The following ZNF721 variants were observed in gnomAD, a reference collection of about 807,000 sequenced individuals.
The protein encoded by ZNF721 is zinc finger protein 721.
In ZNF721, 2 loss-of-function variants were observed where a neutral mutation model predicts 2.4. The observed-to-expected ratio is 0.82, with a 90% CI of 0.34 to 2.58. ZNF721 has a LOEUF of 2.58. ZNF721 is among the 30% of genes most tolerant of loss of function. The pLI, the probability that ZNF721 is intolerant of heterozygous loss-of-function variation, is 0.11. For missense variants in ZNF721, 1,187 were observed against 1,085.5 expected, an observed-to-expected ratio of 1.09 and a Z score of -1.31; for synonymous variants, 398 against 381.8, an observed-to-expected ratio of 1.04 and a Z score of -0.50.
intron 1 of ZNF721, among the ~76,000 whole-genome samples, chr4:474,492 T>G (rs563506190): frequency 3.3e-5 from 5 of 152,186 alleles, no homozygotes; most frequent in Non-Finnish European, 7.3e-5. Context: ...TAGTGACAAT[T>G]ATTTTAATAT....
intron 1 of ZNF721, among the ~76,000 whole-genome samples, chr4:489,676 T>C (rs1416640453): frequency 6.6e-6 from 1 of 152,186 alleles, no homozygotes; most frequent in African/African-American, 2.4e-5. Context: ...AGAGCCCTCA[T>C]GGCTGCACTC....
At chr4:462,822 C>T (rs1560234045) in intron 2 of ZNF721, among the ~76,000 whole-genome samples, 2 of 152,096 alleles carry the variant, frequency 1.3e-5, no homozygotes, top group Admixed American at 6.6e-5. Flanking sequence ...CTAGGCAATA[C>T]CATTCAGGAC....
intron 2 of ZNF721, among the ~76,000 whole-genome samples, chr4:470,722 A>G (rs1298568504): frequency 6.6e-6 from 1 of 152,088 alleles, no homozygotes; most frequent in African/African-American, 2.4e-5. Context: ...CTCAAAAAAT[A>G]AAATAAAATA....
At chr4:487,888 C>A (rs782055712) in intron 1 of ZNF721, among the ~76,000 whole-genome samples, 16 of 152,126 alleles carry the variant, frequency 1.1e-4, no homozygotes, top group Non-Finnish European at 2.1e-4. Flanking sequence ...AGCAAAGGAT[C>A]GAAGGCGACT....
At chr4:457,913 C>T (rs1714894637) in intron 2 of ZNF721, among the ~76,000 whole-genome samples, 1 of 152,174 alleles carries the variant, frequency 6.6e-6, no homozygotes, top group African/African-American at 2.4e-5. Flanking sequence ...TGAAAGAAGT[C>T]CTGCCAACCC....
chr4:450,490 T>C (rs1714612417), intron 2 of ZNF721, among the ~76,000 whole-genome samples: 1 of 152,174 alleles, frequency 6.6e-6, no homozygotes, highest in Admixed American at 6.5e-5. Flanking sequence ...GAAGGCTTTA[T>C]GCAACTAGTC....
At chr4:487,279 TTC>T (rs1715921122) in intron 1 of ZNF721, among the ~76,000 whole-genome samples, 1 of 152,190 alleles carries the variant, frequency 6.6e-6, no homozygotes, top group Admixed American at 6.6e-5. Context: ...TCCTAAATGC[TTC>T]TGTTATCTTT....
rs1714346840 is a variant in ZNF721 at position 443,439 on chromosome 4, C to CT, written c.1027dup (p.Arg343LysfsTer10). On this transcript the variant is annotated frameshift_variant, in exon 3 of 3. Coordinates refer to ENST00000511833, the MANE Select transcript of ZNF721 (RefSeq NM_133474.4). LOFTEE classifies it low-confidence loss of function (END_TRUNC). ...ATGTACGTAAAGGTTTGCGGACTGT[C>CT]TAAAGGTTTTGCCACATTCTCCACA... 6.2e-7 allele frequency: 1 copy of CT among 1,611,838 alleles called. No homozygotes were observed. Among genetic ancestry groups the CT allele is most frequent in the Non-Finnish European group, 8.5e-7 (1 of 1,178,370 alleles).
intron 2 of ZNF721, among the ~76,000 whole-genome samples, chr4:459,689 G>C (rs1714956830): frequency 6.6e-6 from 1 of 152,032 alleles, no homozygotes; most frequent in Non-Finnish European, 1.5e-5. Flanking sequence ...AAATTAGCCG[G>C]GCGTGGTGGC....
At chr4:479,494 G>A (rs1715719998) in intron 1 of ZNF721, among the ~76,000 whole-genome samples, 1 of 152,232 alleles carries the variant, frequency 6.6e-6, no homozygotes, top group South Asian at 2.1e-4. Context: ...ATAAGAAGGT[G>A]TGGAGGCTGG....
intron 1 of ZNF721, chr4:474,103 C>A (rs1283970653): frequency 1.2e-5 from 15 of 1,287,432 alleles, no homozygotes; most frequent in Non-Finnish European, 1.6e-5. Context: ...GGTGTGGAAG[C>A]AGGGAAGTGA....
At chr4:471,233 G>C (rs1715422961) in intron 2 of ZNF721, among the ~76,000 whole-genome samples, 2 of 152,026 alleles carry the variant, frequency 1.3e-5, no homozygotes, top group Non-Finnish European at 2.9e-5. Flanking sequence ...ATATAATCCA[G>C]CAATACCACT....
At chr4:462,105 C>G (rs1715089775) in intron 2 of ZNF721, among the ~76,000 whole-genome samples, 1 of 152,084 alleles carries the variant, frequency 6.6e-6, no homozygotes, top group East Asian at 1.9e-4. Context: ...TTCCTATATA[C>G]CAATAATAGA....
intron 2 of ZNF721, among the ~76,000 whole-genome samples, chr4:466,354 G>A (rs1451707732): frequency 1.3e-5 from 2 of 152,064 alleles, no homozygotes; most frequent in African/African-American, 4.8e-5. Flanking sequence ...TACCTTTTTG[G>A]AAAATTTAAG....
chr4:486,827 T>C (rs1270195504), intron 1 of ZNF721, among the ~76,000 whole-genome samples: 2 of 152,252 alleles, frequency 1.3e-5, no homozygotes, highest in Non-Finnish European at 2.9e-5. Context: ...TCAAATTGTT[T>C]CGCTTTTCCC....
intron 2 of ZNF721, among the ~76,000 whole-genome samples, chr4:459,422 C>T (rs1365714516): frequency 1.3e-5 from 2 of 151,764 alleles, no homozygotes; most frequent in African/African-American, 4.8e-5. Context: ...AAGACAAACA[C>T]AGGCTCAAAA....
intron 1 of ZNF721, among the ~76,000 whole-genome samples, chr4:475,090 GGCA>G (rs1553868433): frequency 6.6e-6 from 1 of 152,084 alleles, no homozygotes; most frequent in African/African-American, 2.4e-5. Flanking sequence ...GGGAGGCTGA[GGCA>G]GGAGAATGGC....
chr4:491,217 G>T (rs1461772825), intron 1 of ZNF721, among the ~76,000 whole-genome samples: 1 of 152,186 alleles, frequency 6.6e-6, no homozygotes, highest in Non-Finnish European at 1.5e-5. Context: ...CACGAGGTCA[G>T]AAGTTCGAGA....
At chr4:455,747 T>C (rs73070378) in intron 2 of ZNF721, among the ~76,000 whole-genome samples, 3,278 of 152,240 alleles carry the variant, frequency 0.022, 118 homozygotes, top group African/African-American at 0.074. Flanking sequence ...AAATGGCAGT[T>C]TATAGTTCAT....
Sources: allele counts gnomAD v4.1 joint callset (sites outside exome capture counted in the v4.1 genomes callset), GRCh38; gene constraint gnomAD v4.1.1; transcripts MANE v1.5; gene names NCBI Gene and HGNC (gene_info 2026-07-23, HGNC 2026-07-21).